ZNF644: variants seen among roughly 807,000 people sequenced by gnomAD.
The protein encoded by ZNF644 is zinc finger protein 644, also known as zinc finger motif enhancer binding protein 2.
In ZNF644, 20 loss-of-function variants were observed where a neutral mutation model predicts 108.0. The ratio of observed to expected loss-of-function variants is 0.19; its 90% confidence interval spans 0.13 to 0.27. ZNF644 has a LOEUF of 0.27. ZNF644 is among the 10% of genes least tolerant of loss of function. The probability of loss-of-function intolerance (pLI) is 1.00; values close to 1 mark genes in which losing one functional copy is unlikely to be tolerated. For missense variants in ZNF644, 1,338 were observed against 1,548.9 expected (o/e 0.86, Z 2.29); for synonymous variants, 542 against 539.1 (o/e 1.01, Z -0.08).
At chr1:91,009,219 T>C (rs1659717511) in intron 1 of ZNF644, among the ~76,000 whole-genome samples, 1 of 152,198 alleles carries the variant, frequency 6.6e-6, no homozygotes, top group Admixed American at 6.5e-5. Context: ...GTTAAGCCTA[T>C]ATTAACTGTG....
chr1:90,942,920 AACAAG>A (rs1183369892), intron 2 of ZNF644, among the ~76,000 whole-genome samples: 2 of 152,190 alleles, frequency 1.3e-5, no homozygotes, highest in African/African-American at 4.8e-5. Context: ...TATAATGGTA[AACAAG>A]ACAAGTTAGG....
rs565214540 is a variant in ZNF644, at chr1:90,925,774, G to T, written c.3689-7620C>A. 2.6e-5 allele frequency among the ~76,000 whole-genome samples: 4 copies of T among 152,178 alleles called. No individual in the cohort carries two copies. The South Asian group carries it at 8.3e-4, about 32-fold the overall frequency. ...GCATCATAAAATTTAAGTATTTTATGCTACAATGGTGTAACTCTTAGGCTA... is the reference window on the plus strand; with the variant it reads ...GCATCATAAAATTTAAGTATTTTATTCTACAATGGTGTAACTCTTAGGCTA... On this transcript the variant is annotated intron_variant, in intron 4 of 5. Coordinates refer to ENST00000337393, the MANE Select transcript of ZNF644 (RefSeq NM_201269.3).
At chr1:90,952,524 C>T (rs758140762) in intron 2 of ZNF644, among the ~76,000 whole-genome samples, 11 of 151,366 alleles carry the variant, frequency 7.3e-5, no homozygotes, top group Non-Finnish European at 1.3e-4. Context: ...TTACAATGAC[C>T]ACTGAGAAGC....
intron 1 of ZNF644, among the ~76,000 whole-genome samples, chr1:91,010,466 G>C (rs1659858958): frequency 6.7e-6 from 1 of 148,276 alleles, no homozygotes; most frequent in African/African-American, 2.5e-5. Context: ...TGGCGAGGCT[G>C]GTCTCAAACT....
At chr1:90,961,889 G>T (rs1654374169) in intron 2 of ZNF644, among the ~76,000 whole-genome samples, 1 of 151,996 alleles carries the variant, frequency 6.6e-6, no homozygotes, top group Non-Finnish European at 1.5e-5. Flanking sequence ...AAAAACTTAT[G>T]ATGCACAGAT....
intron 5 of ZNF644, among the ~76,000 whole-genome samples, chr1:90,917,598 A>T (rs551890922): frequency 5.3e-5 from 8 of 152,272 alleles, no homozygotes; most frequent in African/African-American, 1.7e-4. Context: ...CCTGGGCTCA[A>T]GCAATTCTCC....
At chr1:91,001,303 C>A (rs1453641287) in intron 1 of ZNF644, among the ~76,000 whole-genome samples, 1 of 152,026 alleles carries the variant, frequency 6.6e-6, no homozygotes, top group East Asian at 1.9e-4. Context: ...ACTGGCAAAC[C>A]GAATCCAGCA....
At chr1:90,965,100 T>C (rs1456757407) in intron 2 of ZNF644, among the ~76,000 whole-genome samples, 2 of 152,176 alleles carry the variant, frequency 1.3e-5, no homozygotes, top group Non-Finnish European at 2.9e-5. Context: ...AATAACTGTA[T>C]TAATTTGCTA....
chr1:90,936,813 CTA>C (rs1258470616), intron 4 of ZNF644, among the ~76,000 whole-genome samples: 2 of 151,962 alleles, frequency 1.3e-5, no homozygotes, highest in African/African-American at 4.8e-5. Context: ...AAGGAAAAAA[CTA>C]TTGGTGCACC....
intron 2 of ZNF644, among the ~76,000 whole-genome samples, chr1:90,957,624 G>A (rs1021534316): frequency 6.6e-6 from 1 of 151,902 alleles, no homozygotes; most frequent in African/African-American, 2.4e-5. Flanking sequence ...GTAATAAAAG[G>A]AAATGTCCTC....
chr1:90,965,747 A>C (rs1654795770), intron 2 of ZNF644, among the ~76,000 whole-genome samples: 2 of 152,002 alleles, frequency 1.3e-5, no homozygotes, highest in African/African-American at 4.8e-5. Context: ...CCCATCTCCC[A>C]CTAACTCTCT....
chr1:90,927,506 G>A (rs1162734233), intron 4 of ZNF644, among the ~76,000 whole-genome samples: 19 of 152,098 alleles, frequency 1.2e-4, no homozygotes, highest in Admixed American at 1.2e-3. Context: ...ACATTTTGGA[G>A]CAATAACCAC....
chr1:90,943,570 C>T lies in ZNF644; in HGVS notation c.45-2261G>A, dbSNP rs577017036. On this transcript the variant is annotated intron_variant, in intron 2 of 5. Coordinates refer to ENST00000337393, the MANE Select transcript of ZNF644 (RefSeq NM_201269.3). ...TATTTAATACAACAAATACCTATTA[C>T]CAGTATCTTTGACATTGTTTTTTAT... 7.9e-5 allele frequency among the ~76,000 whole-genome samples: 12 copies of T among 152,256 alleles called. No homozygotes were observed. In the South Asian group the frequency reaches 1.5e-3, roughly 18 times the overall value.
At chr1:90,933,460 G>A (rs1570363102) in intron 4 of ZNF644, among the ~76,000 whole-genome samples, 2 of 151,958 alleles carry the variant, frequency 1.3e-5, no homozygotes, top group South Asian at 4.1e-4. Flanking sequence ...TCAGGAGTTC[G>A]AGACCAGCCT....
chr1:91,018,831 C>G (rs1660647696), intron 1 of ZNF644, among the ~76,000 whole-genome samples: 1 of 152,190 alleles, frequency 6.6e-6, no homozygotes, highest in African/African-American at 2.4e-5. Flanking sequence ...TCCTGCTACC[C>G]ATTAACAGTC....
chr1:90,948,602 T>C (rs560823624), intron 2 of ZNF644, among the ~76,000 whole-genome samples: 6 of 152,218 alleles, frequency 3.9e-5, no homozygotes, highest in Admixed American at 6.5e-5. Flanking sequence ...AGGTTTCACA[T>C]GCCATGAAGA....
intron 2 of ZNF644, among the ~76,000 whole-genome samples, chr1:90,971,046 T>C (rs1655417010): frequency 6.8e-6 from 1 of 147,032 alleles, no homozygotes; most frequent in African/African-American, 2.5e-5. Flanking sequence ...CACTGAACTA[T>C]AAATATACAC....
chr1:90,941,098 C>A lies in ZNF644; in HGVS notation c.256G>T (p.Ala86Ser). The A allele has an allele frequency of 6.2e-7, 1 of 1,614,066 alleles. No individual in the cohort carries two copies. The highest frequency in any genetic ancestry group is 8.5e-7 in the Non-Finnish European group (1 of 1,179,946). Reference protein sequence around the residue: ...EELSKDKSENALSGGQSSLFI... With the variant: ...EELSKDKSENSLSGGQSSLFI... The stretch of plus-strand genomic sequence containing the variant: ...AGACTAGACTGGCCTCCACTTAAGG[C>A]GTTTTCAGATTTGTCCTTTGACAGT... The change falls in exon 3 of 6, where the codon GCC becomes TCC. Residue 86 changes from alanine to serine, a missense_variant. This residue lies in a region of ZNF644 where 464 missense variants were observed against 457.9 expected (regional missense o/e 1.01). Coordinates refer to ENST00000337393, the MANE Select transcript of ZNF644 (RefSeq NM_201269.3).
chr1:91,009,364 T>G (rs1659737485), intron 1 of ZNF644, among the ~76,000 whole-genome samples: 1 of 152,176 alleles, frequency 6.6e-6, no homozygotes, highest in Non-Finnish European at 1.5e-5. Flanking sequence ...ACTTCTATTT[T>G]TCCTGTTTTT....
Sources: allele counts gnomAD v4.1 joint callset (sites outside exome capture counted in the v4.1 genomes callset), GRCh38; gene constraint gnomAD v4.1.1; regional missense constraint gnomAD v4.1.1; transcripts MANE v1.5; gene names NCBI Gene and HGNC (gene_info 2026-07-23, HGNC 2026-07-21).